The following GUCY1A2 variants were observed in gnomAD, a reference collection of about 807,000 sequenced individuals.
GUCY1A2 encodes guanylate cyclase soluble subunit alpha-2.
In GUCY1A2, 27 loss-of-function variants were observed where a neutral mutation model predicts 63.5. That is an observed-to-expected ratio of 0.43 (90% CI 0.31 to 0.59). The LOEUF is 0.59. Ranked by LOEUF, GUCY1A2 falls within the 20% of genes least tolerant of loss-of-function variation. GUCY1A2 has a pLI of 0.11. For synonymous variants in GUCY1A2, 364 were observed against 343.5 expected, an observed-to-expected ratio of 1.06 and a Z score of -0.66; for missense variants, 768 against 913.3, an observed-to-expected ratio of 0.84 and a Z score of 2.05.
chr11:106,975,726 A>C (rs1439861029), intron 3 of GUCY1A2, among the ~76,000 whole-genome samples: 6 of 152,220 alleles, frequency 3.9e-5, no homozygotes, highest in Admixed American at 2.6e-4. Context: ...AAACATTTTG[A>C]TATCTGGAAG....
At chr11:106,768,264 A>G (rs181631243) in intron 6 of GUCY1A2, among the ~76,000 whole-genome samples, 1 of 152,264 alleles carries the variant, frequency 6.6e-6, no homozygotes, top group East Asian at 1.9e-4. Flanking sequence ...CTGGGACTAC[A>G]GGTATGCCCC....
rs1317573486 is a variant in GUCY1A2 at position 107,018,101 on chromosome 11, C to T, written c.-46G>A. ...GGCCGAGGCGGTGGCGGCGAGGACG[C>T]GAGCGGCGGCGGAGGCGGCGGTGGC... is the stretch of plus-strand genomic sequence containing the variant. On this transcript the variant is annotated 5_prime_UTR_variant, in exon 1 of 8. Transcript: ENST00000526355. 4 of 1,282,044 alleles carry T rather than the reference C, an allele frequency of 3.1e-6. No homozygotes were observed. Among genetic ancestry groups the T allele is most frequent in the African/African-American group, 3.1e-5 (2 of 63,876 alleles). The allele number at this position is 1,282,044 out of a possible 1,614,324, so 79.4% of individuals were successfully genotyped here.
chr11:106,978,485 T>C (rs1054810785), intron 3 of GUCY1A2, 134 bp downstream of exon 3: 3 of 567,464 alleles, frequency 5.3e-6, no homozygotes, highest in African/African-American at 1.9e-5. Flanking sequence ...TTAACACCCA[T>C]CACTTCACAA....
At chr11:106,939,347 G>A (rs1860720123) in intron 4 of GUCY1A2, 113 bp downstream of exon 4, 1 of 657,470 alleles carries the variant, frequency 1.5e-6, no homozygotes, top group Middle Eastern at 2.6e-4. Context: ...TCTTCTAAAT[G>A]GCACTTTAAG....
At chr11:106,735,446 T>A (rs1437711109) in intron 6 of GUCY1A2, among the ~76,000 whole-genome samples, 1 of 152,184 alleles carries the variant, frequency 6.6e-6, no homozygotes. Context: ...GTCCTCCAGT[T>A]TCATTCATGT....
chr11:106,936,802 A>C (rs1034925808), intron 4 of GUCY1A2: 14 of 660,288 alleles, frequency 2.1e-5, no homozygotes, highest in Middle Eastern at 2.5e-4. Flanking sequence ...CCTCAATGTT[A>C]GAAGAAGGAA....
chr11:106,898,719 C>A (rs1006406389), intron 4 of GUCY1A2, among the ~76,000 whole-genome samples: 2 of 152,078 alleles, frequency 1.3e-5, no homozygotes, highest in Non-Finnish European at 2.9e-5. Flanking sequence ...GAGGAATAGA[C>A]AGAGCACAGA....
At chr11:106,782,639 T>A (rs1864484923) in intron 5 of GUCY1A2, among the ~76,000 whole-genome samples, 1 of 152,158 alleles carries the variant, frequency 6.6e-6, no homozygotes, top group South Asian at 2.1e-4. Flanking sequence ...AGAGGGCTTC[T>A]CCAATGGTTG....
chr11:106,990,385 C>T (rs984729774), intron 1 of GUCY1A2, among the ~76,000 whole-genome samples: 6 of 152,308 alleles, frequency 3.9e-5, no homozygotes, highest in Admixed American at 2.0e-4. Flanking sequence ...TCATGAGATC[C>T]GAACAGCCAA....
At chr11:106,942,859 C>T (rs142969800) in intron 3 of GUCY1A2, among the ~76,000 whole-genome samples, 1,636 of 152,192 alleles carry the variant, frequency 0.011, 31 homozygotes, top group African/African-American at 0.035. Flanking sequence ...TATAAAGGAC[C>T]TCTGTACTTT....
chr11:106,883,033 G>A (rs973452537), intron 4 of GUCY1A2, among the ~76,000 whole-genome samples: 2 of 152,000 alleles, frequency 1.3e-5, no homozygotes, highest in East Asian at 3.9e-4. Context: ...CTACATACGA[G>A]CCTGTGTTTA....
At chr11:106,926,776 G>A (rs1406992016) in intron 4 of GUCY1A2, among the ~76,000 whole-genome samples, 1 of 151,702 alleles carries the variant, frequency 6.6e-6, no homozygotes, top group Non-Finnish European at 1.5e-5. Flanking sequence ...AAATGTCTGG[G>A]GAAAACTAAA....
intron 6 of GUCY1A2, chr11:106,746,703 T>A: frequency 1.1e-6 from 1 of 936,102 alleles, no homozygotes; most frequent in Non-Finnish European, 1.6e-6. Flanking sequence ...AAATCAGTAC[T>A]GTGACATTTT....
chr11:106,827,729 C>T, intron 4 of GUCY1A2: 1 of 1,542,904 alleles, frequency 6.5e-7, no homozygotes, highest in Admixed American at 1.7e-5. Flanking sequence ...TAGAAATCTG[C>T]TTGAAATTTG....
rs1862397188 is a variant in GUCY1A2 at position 106,679,455 on chromosome 11, T to C, written c.*8094A>G. 1 of 196,274 alleles carries C rather than the reference T, an allele frequency of 5.1e-6. No individual in the cohort carries two copies. Among genetic ancestry groups the C allele is most frequent in the Admixed American group, 6.1e-5 (1 of 16,454 alleles). The allele number at this position is 196,274 out of a possible 1,614,324, so 12.2% of individuals were successfully genotyped here. ...GAAGAATGTGAAGAAGAATATGGCG[T>C]AGAGTACAGCCGCCAAAAGTTTAAA... On this transcript the variant is annotated 3_prime_UTR_variant, in exon 8 of 8. Coordinates refer to ENST00000526355, the MANE Select transcript of GUCY1A2 (RefSeq NM_000855.3).
chr11:106,820,239 G>C (rs1858883892), intron 4 of GUCY1A2, among the ~76,000 whole-genome samples: 1 of 151,944 alleles, frequency 6.6e-6, no homozygotes, highest in Non-Finnish European at 1.5e-5. Context: ...CCTAATGTCT[G>C]CATTTATAAT....
chr11:106,690,762 T>C (rs1862609451), intron 7 of GUCY1A2, among the ~76,000 whole-genome samples: 1 of 152,118 alleles, frequency 6.6e-6, no homozygotes. Flanking sequence ...GAGTTCAGAA[T>C]AAGTTAGACT....
At chr11:106,950,763 G>C (rs998357110) in intron 3 of GUCY1A2, among the ~76,000 whole-genome samples, 2 of 152,122 alleles carry the variant, frequency 1.3e-5, no homozygotes. Context: ...CTCTTTAATG[G>C]TCACTTTTTT....
At chr11:106,967,771 G>A (rs1234219799) in intron 3 of GUCY1A2, among the ~76,000 whole-genome samples, 1 of 141,752 alleles carries the variant, frequency 7.1e-6, no homozygotes, top group Non-Finnish European at 1.5e-5. Context: ...AAGGAGGGAG[G>A]GAAGCAGGAA....
Sources: allele counts gnomAD v4.1 joint callset (sites outside exome capture counted in the v4.1 genomes callset), GRCh38; gene constraint gnomAD v4.1.1; transcripts MANE v1.5; gene names NCBI Gene and HGNC (gene_info 2026-07-23, HGNC 2026-07-21).